SNTG2: variants seen among roughly 807,000 people sequenced by gnomAD.
SNTG2 encodes the protein syntrophin gamma 2, also known as gamma-2-syntrophin.
Under a neutral mutation model 70.9 loss-of-function variants are expected in SNTG2, and 74 were observed. The observed-to-expected ratio is 1.04, with a 90% CI of 0.86 to 1.27. The LOEUF (loss-of-function observed/expected upper bound fraction) is 1.27. Ranked by LOEUF, SNTG2 falls within the 50% of genes most tolerant of loss-of-function variation. The probability of loss-of-function intolerance (pLI) is 0.00; values close to 1 mark genes in which losing one functional copy is unlikely to be tolerated. For synonymous variants in SNTG2, 278 were observed against 273.8 expected, an observed-to-expected ratio of 1.02 and a Z score of -0.15; for missense variants, 717 against 690.7, an observed-to-expected ratio of 1.04 and a Z score of -0.43.
rs1669998178 is a variant in SNTG2 at position 1,157,759 on chromosome 2, A to AG, written c.412-7788dup. Among the ~76,000 whole-genome samples the AG allele has an allele frequency of 1.3e-5, 2 of 152,218 alleles. 1 individual carries two copies. Among genetic ancestry groups the AG allele is most frequent in the African/African-American group, 4.8e-5 (2 of 41,450 alleles). ...TTTTTTCAGACTCTGGAAATAACTC[A>AG]GCTTCTGGTGTGCACAGACTAGAGA... On this transcript the variant is annotated intron_variant, in intron 6 of 16. Transcript: ENST00000308624.
intron 13 of SNTG2, among the ~76,000 whole-genome samples, chr2:1,266,250 C>T (rs1300266959): frequency 6.6e-6 from 1 of 152,130 alleles, no homozygotes; most frequent in Non-Finnish European, 1.5e-5. Flanking sequence ...CATGCACCTC[C>T]ATGCTGTTGA....
chr2:1,231,764 T>A (rs1287265646), intron 9 of SNTG2, among the ~76,000 whole-genome samples: 1 of 152,098 alleles, frequency 6.6e-6, no homozygotes, highest in Non-Finnish European at 1.5e-5. Context: ...GACACCACCT[T>A]CCCGTGACAA....
intron 6 of SNTG2, among the ~76,000 whole-genome samples, chr2:1,144,393 G>A (rs35964950): frequency 0.43 from 64,889 of 151,904 alleles, 14,836 homozygotes; most frequent in East Asian, 0.92. Context: ...TACTTCACCC[G>A]ACAACAGCAG....
At chr2:1,041,386 T>G (rs1026111274) in intron 1 of SNTG2, among the ~76,000 whole-genome samples, 1 of 152,226 alleles carries the variant, frequency 6.6e-6, no homozygotes, top group Non-Finnish European at 1.5e-5. Context: ...CTACTGTTTT[T>G]GTTGTTGTTG....
chr2:1,145,735 A>G (rs899897298), intron 6 of SNTG2, among the ~76,000 whole-genome samples: 3 of 152,216 alleles, frequency 2.0e-5, no homozygotes, highest in African/African-American at 7.2e-5. Context: ...CCAAAACCAG[A>G]TGAAGACATT....
At chr2:1,003,111 G>C (rs555534300) in intron 1 of SNTG2, among the ~76,000 whole-genome samples, 1 of 152,116 alleles carries the variant, frequency 6.6e-6, no homozygotes, top group African/African-American at 2.4e-5. Flanking sequence ...GGGGAGGGTG[G>C]TAAGAGATGA....
At chr2:1,167,573 G>A (rs1670811699) in intron 7 of SNTG2, among the ~76,000 whole-genome samples, 3 of 130,920 alleles carry the variant, frequency 2.3e-5, no homozygotes, top group Admixed American at 2.3e-4. Context: ...GCCCACAGAC[G>A]GCAGAACTGA....
chr2:1,040,680 A>G (rs1361251416), intron 1 of SNTG2, among the ~76,000 whole-genome samples: 1 of 152,232 alleles, frequency 6.6e-6, no homozygotes, highest in Non-Finnish European at 1.5e-5. Context: ...ACCAATTTAG[A>G]TGTTTTTCCT....
chr2:1,292,937 A>T (rs1205122489), intron 14 of SNTG2, among the ~76,000 whole-genome samples: 1 of 152,136 alleles, frequency 6.6e-6, no homozygotes, highest in Non-Finnish European at 1.5e-5. Flanking sequence ...TTCTTCTTTA[A>T]ATGTTTGGTA....
chr2:992,794 C>T (rs1013574456), intron 1 of SNTG2, among the ~76,000 whole-genome samples: 2 of 152,196 alleles, frequency 1.3e-5, no homozygotes, highest in African/African-American at 4.8e-5. Context: ...CCAAAGCTGT[C>T]TTATTCTTTT....
Position 1,221,443 on chromosome 2 carries a change from G to C in SNTG2, c.719+12213G>C, listed in dbSNP as rs1419942310. ...TTTGTCTCTGTCTCTCTCTGTCTCT[G>C]TCTCTGTCTCTCTCTGTCTCTGTCT... On this transcript the variant is annotated intron_variant, in intron 9 of 16. Transcript: ENST00000308624. Among the ~76,000 whole-genome samples the C allele has an allele frequency of 3.3e-5, 3 of 91,718 alleles. 1 individual carries two copies. The highest frequency in any genetic ancestry group is 6.1e-5 in the African/African-American group (1 of 16,494). 60.2% of individuals were successfully genotyped at this position (91,718 alleles called of 152,430 possible).
chr2:1,059,850 C>T (rs1467677840), intron 1 of SNTG2, among the ~76,000 whole-genome samples: 3 of 152,084 alleles, frequency 2.0e-5, no homozygotes, highest in South Asian at 4.1e-4. Context: ...CATTTAATTA[C>T]TACAACATAC....
At chr2:1,152,892 G>A (rs4306743) in intron 6 of SNTG2, among the ~76,000 whole-genome samples, 1 of 151,376 alleles carries the variant, frequency 6.6e-6, no homozygotes, top group Non-Finnish European at 1.5e-5. Context: ...GGGAGGCCAA[G>A]GTGGGCGGAT....
In SNTG2 at chr2:1,084,006, A is replaced by C. The variant is rs567794307; in HGVS notation, c.210+351A>C. Among the ~76,000 whole-genome samples the C allele has an allele frequency of 2.0e-5, 3 of 151,794 alleles. No individual in the cohort carries two copies. The South Asian group carries it at 6.3e-4, about 32-fold the overall frequency. ...CAGTGAGCCAAGATCGCACCACTGCACTCCAGCCTGGGCAATAGAGCGAGG... is the reference window on the plus strand; with the variant it reads ...CAGTGAGCCAAGATCGCACCACTGCCCTCCAGCCTGGGCAATAGAGCGAGG... On this transcript the variant is annotated intron_variant, in intron 2 of 16. Transcript: ENST00000308624.
At chr2:1,257,324 T>C (rs1366744480) in intron 12 of SNTG2, among the ~76,000 whole-genome samples, 1 of 152,198 alleles carries the variant, frequency 6.6e-6, no homozygotes, top group African/African-American at 2.4e-5. Flanking sequence ...GCCTGAATTG[T>C]GTGTGGACTG....
chr2:1,092,944 T>C (rs1458467919), intron 2 of SNTG2, among the ~76,000 whole-genome samples: 1 of 152,234 alleles, frequency 6.6e-6, no homozygotes, highest in Non-Finnish European at 1.5e-5. Context: ...TTTTATCTGA[T>C]ATGTTTGTGA....
rs552966692 is a variant in SNTG2, at chr2:1,333,876, A to G, written c.1488+17501A>G. On this transcript the variant is annotated intron_variant, in intron 16 of 16. Transcript: ENST00000308624. ...GAAAAACTCTTCTAGACATTGGCTTAGGCCAATGAGAGTTCATGACCAAGA... is the reference window on the plus strand; with the variant it reads ...GAAAAACTCTTCTAGACATTGGCTTGGGCCAATGAGAGTTCATGACCAAGA... Among the ~76,000 whole-genome samples, 648 of 152,282 alleles carry G rather than the reference A, an allele frequency of 4.3e-3. 7 individuals carry two copies. Among genetic ancestry groups the G allele is most frequent in the African/African-American group, 0.015 (607 of 41,572 alleles).
At position 1,222,079 on chromosome 2, in the gene SNTG2, G is replaced by GCCTA. The variant is rs1675155909; in HGVS notation, c.719+12849_719+12850insCCTA. Among the ~76,000 whole-genome samples the GCCTA allele has an allele frequency of 1.2e-3, 18 of 14,610 alleles. 2 individuals are homozygous for GCCTA. The highest frequency in any genetic ancestry group is 1.7e-3 in the Non-Finnish European group (11 of 6,570). The allele number at this position is 14,610 out of a possible 152,430, so 9.6% of individuals were successfully genotyped here. A position where few individuals can be genotyped will look rare whatever the true frequency, so the allele number is the denominator to read the frequency against. On this transcript the variant is annotated intron_variant, in intron 9 of 16. Transcript: ENST00000308624. Reference sequence around the variant, plus strand: ...TCTGTCTCTGTTTCTCTCTGTCTCTGTCTCTGTCTCTCTCTGTCTCTCTCT... The same window carrying GCCTA: ...TCTGTCTCTGTTTCTCTCTGTCTCTGCCTATCTCTGTCTCTCTCTGTCTCTCTCT...
intron 1 of SNTG2, among the ~76,000 whole-genome samples, chr2:1,048,046 ACTT>A (rs1311909783): frequency 1.3e-5 from 2 of 151,976 alleles, no homozygotes; most frequent in African/African-American, 4.8e-5. Context: ...ATATTTTTGT[ACTT>A]CTTAACATTT....
Sources: allele counts gnomAD v4.1 joint callset (sites outside exome capture counted in the v4.1 genomes callset), GRCh38; gene constraint gnomAD v4.1.1; transcripts MANE v1.5; gene names NCBI Gene and HGNC (gene_info 2026-07-23, HGNC 2026-07-21).